CDH13: variants seen among roughly 807,000 people sequenced by gnomAD.
CDH13 encodes the protein cadherin-13.
Under a neutral mutation model 63.8 loss-of-function variants are expected in CDH13, and 24 were observed. The observed-to-expected ratio is 0.38, with a 90% CI of 0.27 to 0.53. CDH13 has a LOEUF of 0.53. Among genes scored for constraint, CDH13 ranks in the 20% least tolerant of loss-of-function variants. CDH13 has a pLI of 0.85. For missense variants in CDH13, 1,049 were observed against 903.1 expected, an observed-to-expected ratio of 1.16 and a Z score of -2.07; for synonymous variants, 503 against 355.3, an observed-to-expected ratio of 1.42 and a Z score of -4.67.
intron 6 of CDH13, among the ~76,000 whole-genome samples, chr16:83,441,564 T>C (rs1237915521): frequency 6.6e-6 from 1 of 152,234 alleles, no homozygotes; most frequent in Non-Finnish European, 1.5e-5. Flanking sequence ...AAAGTTTCTT[T>C]ACAACATTTT....
intron 5 of CDH13, among the ~76,000 whole-genome samples, chr16:83,297,310 G>C (rs2089625968): frequency 6.6e-6 from 1 of 152,138 alleles, no homozygotes; most frequent in Non-Finnish European, 1.5e-5. Context: ...ATTATACAAT[G>C]TATACATGTA....
intron 2 of CDH13, among the ~76,000 whole-genome samples, chr16:82,879,143 C>T (rs1300424393): frequency 1.3e-5 from 2 of 152,170 alleles, no homozygotes; most frequent in African/African-American, 4.8e-5. Context: ...GTGGACATCA[C>T]AGCTCTGGTC....
chr16:82,883,150 A>T (rs942800069), intron 2 of CDH13, among the ~76,000 whole-genome samples: 1 of 152,230 alleles, frequency 6.6e-6, no homozygotes, highest in Non-Finnish European at 1.5e-5. Flanking sequence ...GAGAAGAGAT[A>T]AGAAATGAGA....
chr16:83,661,573 T>A (rs567628035), intron 8 of CDH13, among the ~76,000 whole-genome samples: 1 of 152,292 alleles, frequency 6.6e-6, no homozygotes, highest in East Asian at 1.9e-4. Context: ...TCAGTGGCCA[T>A]GTCTTTTCAT....
intron 6 of CDH13, among the ~76,000 whole-genome samples, chr16:83,366,347 T>G (rs920871121): frequency 6.6e-6 from 1 of 152,226 alleles, no homozygotes; most frequent in Non-Finnish European, 1.5e-5. Flanking sequence ...ATGAATACTT[T>G]TGGTATGCGT....
intron 2 of CDH13, among the ~76,000 whole-genome samples, chr16:83,007,268 T>G (rs549461707): frequency 1.5e-3 from 222 of 152,310 alleles, no homozygotes; most frequent in African/African-American, 5.1e-3. Context: ...CATTGACACA[T>G]TACTCTGTGC....
chr16:82,948,201 A>G (rs1179986835), intron 2 of CDH13, among the ~76,000 whole-genome samples: 2 of 152,164 alleles, frequency 1.3e-5, no homozygotes, highest in Non-Finnish European at 1.5e-5. Flanking sequence ...ATAAGCCAAC[A>G]TTATGTATTT....
intron 4 of CDH13, among the ~76,000 whole-genome samples, chr16:83,214,914 C>A (rs914111275): frequency 2.0e-5 from 3 of 152,026 alleles, no homozygotes; most frequent in Admixed American, 2.0e-4. Context: ...TCGCTACTTG[C>A]CAGCCACAGG....
rs1160190033 is a variant in CDH13 at position 83,602,743 on chromosome 16, T to G, written c.1101+149T>G. The stretch of plus-strand genomic sequence containing the variant: ...AGAGACGATGGTGTTTTGCTGGAAT[T>G]CTTTCTCACATTTTTATTTTGTGTT... On this transcript the variant is annotated intron_variant, in intron 8 of 13. Coordinates refer to ENST00000567109, the MANE Select transcript of CDH13 (RefSeq NM_001257.5). The G allele has an allele frequency of 4.8e-6, 4 of 841,220 alleles. No individual in the cohort carries two copies. In the East Asian group the frequency reaches 1.0e-4, roughly 21 times the overall value. The allele number at this position is 841,220 out of a possible 1,614,324, so 52.1% of individuals were successfully genotyped here. A position where few individuals can be genotyped will look rare whatever the true frequency, so the allele number is the denominator to read the frequency against.
intron 3 of CDH13, among the ~76,000 whole-genome samples, chr16:83,058,385 G>C (rs2031171579): frequency 6.6e-6 from 1 of 152,208 alleles, no homozygotes; most frequent in South Asian, 2.1e-4. Flanking sequence ...AAAAGTGTTT[G>C]TTCTTCTCTG....
intron 6 of CDH13, among the ~76,000 whole-genome samples, chr16:83,450,604 C>T (rs938634320): frequency 2.0e-5 from 3 of 152,182 alleles, no homozygotes; most frequent in African/African-American, 4.8e-5. Flanking sequence ...GGGGCGGTGG[C>T]TTATGCCTGT....
intron 1 of CDH13, among the ~76,000 whole-genome samples, chr16:82,685,732 T>G (rs28610918): frequency 2.7e-3 from 407 of 152,302 alleles, no homozygotes; most frequent in African/African-American, 9.4e-3. Flanking sequence ...AGCTTTCGCT[T>G]CAGTTGGCTT....
intron 1 of CDH13, among the ~76,000 whole-genome samples, chr16:82,799,044 C>A (rs756131548): frequency 7.2e-5 from 11 of 152,034 alleles, no homozygotes; most frequent in Non-Finnish European, 1.5e-4. Context: ...AATTTTGTAC[C>A]TCTTAGGACT....
At chr16:82,723,079 A>G (rs1217267782) in intron 1 of CDH13, 1 of 152,248 alleles carries the variant, frequency 6.6e-6, no homozygotes, top group Non-Finnish European at 1.5e-5. Flanking sequence ...TGAGTACTAA[A>G]GCCACCAGCA....
intron 10 of CDH13, among the ~76,000 whole-genome samples, chr16:83,707,937 A>T (rs1907381250): frequency 6.6e-6 from 1 of 150,678 alleles, no homozygotes; most frequent in Non-Finnish European, 1.5e-5. Flanking sequence ...TTCTCTTTGG[A>T]CTCATCCTCC....
intron 2 of CDH13, among the ~76,000 whole-genome samples, chr16:83,020,370 T>A (rs1386501803): frequency 1.3e-5 from 2 of 152,224 alleles, no homozygotes; most frequent in East Asian, 3.9e-4. Flanking sequence ...CCTGGGAAAC[T>A]CTTGGAGGAA....
At chr16:83,781,567 T>G (rs958356383) in intron 12 of CDH13, among the ~76,000 whole-genome samples, 1 of 152,212 alleles carries the variant, frequency 6.6e-6, no homozygotes, top group Non-Finnish European at 1.5e-5. Flanking sequence ...CTTTTGCTTG[T>G]TATTGATTCT....
intron 6 of CDH13, among the ~76,000 whole-genome samples, chr16:83,373,684 G>C (rs991335447): frequency 6.6e-6 from 1 of 152,214 alleles, no homozygotes; most frequent in Non-Finnish European, 1.5e-5. Context: ...CAGTGGTTAA[G>C]AGAGGCAGCT....
intron 6 of CDH13, among the ~76,000 whole-genome samples, chr16:83,441,624 C>G (rs1346849888): frequency 6.6e-6 from 1 of 152,134 alleles, no homozygotes; most frequent in Non-Finnish European, 1.5e-5. Flanking sequence ...CTGTGAGAAG[C>G]CCAGCTCCTG....
Sources: allele counts gnomAD v4.1 joint callset (sites outside exome capture counted in the v4.1 genomes callset), GRCh38; gene constraint gnomAD v4.1.1; transcripts MANE v1.5; gene names NCBI Gene and HGNC (gene_info 2026-07-23, HGNC 2026-07-21).